IGSF3: variants seen among roughly 807,000 people sequenced by gnomAD.
The protein encoded by IGSF3 is immunoglobulin superfamily member 3.
Under a neutral mutation model 114.4 loss-of-function variants are expected in IGSF3, and 23 were observed. The ratio of observed to expected loss-of-function variants is 0.20; its 90% CI spans 0.14 to 0.28. The LOEUF is 0.28. Among genes scored for constraint, IGSF3 ranks in the 10% least tolerant of loss-of-function variants. The pLI is 1.00. For synonymous variants in IGSF3, 571 were observed against 645.2 expected, an observed-to-expected ratio of 0.88 and a Z score of 1.74; for missense variants, 1,172 against 1,591.5, an observed-to-expected ratio of 0.74 and a Z score of 4.48.
intron 2 of IGSF3, among the ~76,000 whole-genome samples, chr1:116,617,028 T>C (rs1661246757): frequency 6.6e-6 from 1 of 152,130 alleles, no homozygotes; most frequent in Non-Finnish European, 1.5e-5. Context: ...CCTCCATAAA[T>C]GGAGGCAGAG....
chr1:116,666,202 G>GA, intron 2 of IGSF3, 82 bp downstream of exon 2: 1 of 1,357,566 alleles, frequency 7.4e-7, no homozygotes, highest in Admixed American at 1.7e-5. Flanking sequence ...TAGTGTTGAT[G>GA]AAAAAGAACC....
In IGSF3 at chr1:116,666,538, T is replaced by C; in HGVS notation, c.-212A>G. ...GGCAAGTGTGAAAACTCCCCTATGCTACAGGAAGGGTCCACAACAATTCGG... is the reference window on the plus strand; with the variant it reads ...GGCAAGTGTGAAAACTCCCCTATGCCACAGGAAGGGTCCACAACAATTCGG... On this transcript the variant is annotated 5_prime_UTR_variant, in exon 2 of 11. Transcript: ENST00000369486. 1 of 614,622 alleles carries C rather than the reference T, an allele frequency of 1.6e-6. No individual in the cohort carries two copies. The highest frequency in any genetic ancestry group is 2.9e-6 in the Non-Finnish European group (1 of 346,720). 38.1% of individuals were successfully genotyped at this position (614,622 alleles called of 1,614,324 possible). A position where few individuals can be genotyped will look rare whatever the true frequency, so the allele number is the denominator to read the frequency against.
In IGSF3 at chr1:116,644,983, CA is replaced by C. The variant is rs544138348; in HGVS notation, c.43+21300del. Among the ~76,000 whole-genome samples the C allele has an allele frequency of 1.2e-4, 19 of 152,164 alleles. No individual in the cohort carries two copies. The East Asian group carries it at 3.5e-3, about 28-fold the overall frequency. On this transcript the variant is annotated intron_variant, in intron 2 of 10. Coordinates refer to ENST00000369486, the MANE Select transcript of IGSF3 (RefSeq NM_001007237.3). This position sits in a 1 kb window ranked among gnomAD's most constrained non-coding sequence, Gnocchi z 5.6. ...GTCTGGTAGTTTCTTTCAAAGTTAC[CA>C]AATGACCCAGCAATCCCACTCCTAA...
chr1:116,579,825 C>T lies in IGSF3; in HGVS notation c.2901G>A (p.Lys967=), dbSNP rs748344081. 2 of 1,613,340 alleles carry T rather than the reference C, an allele frequency of 1.2e-6. No individual in the cohort carries two copies. Among genetic ancestry groups the T allele is most frequent in the South Asian group, 2.2e-5 (2 of 91,086 alleles). ...TGCTACAGTCCAGCTGGAAAGCTGC[C>T]TTCTCAGAGACCGTGGCATTGGGGA... ...TVVPNATVSE[K]AAFQLDCSIV... Residue 967 remains lysine, a synonymous_variant, in exon 10 of 11, where the codon AAG becomes AAA. Transcript: ENST00000369486. The surrounding 1 kb of genome is among the most constrained non-coding windows in gnomAD (Gnocchi z 6.4).
chr1:116,649,474 G>A lies in IGSF3; in HGVS notation c.43+16810C>T, dbSNP rs1429529334. ...CTTTCCTCATTACCTCAAAGCCATA[G>A]TGGCAAAAGGCAAACAGCATCTTCC... On this transcript the variant is annotated intron_variant, in intron 2 of 10. Transcript: ENST00000369486. This position sits in a 1 kb window ranked among gnomAD's most constrained non-coding sequence, Gnocchi z 4.5. Among the ~76,000 whole-genome samples, 1 of 152,186 alleles carries A rather than the reference G, an allele frequency of 6.6e-6. No homozygotes were observed. Among genetic ancestry groups the A allele is most frequent in the Non-Finnish European group, 1.5e-5 (1 of 68,042 alleles).
At chr1:116,581,769 G>A (rs950210507) in intron 9 of IGSF3, among the ~76,000 whole-genome samples, 3 of 152,164 alleles carry the variant, frequency 2.0e-5, no homozygotes, top group Non-Finnish European at 4.4e-5. Context: ...ATGGCCGGGT[G>A]GGGACTATTC....
intron 9 of IGSF3, among the ~76,000 whole-genome samples, chr1:116,580,810 A>G (rs1012184184): frequency 2.0e-5 from 3 of 152,254 alleles, no homozygotes; most frequent in Non-Finnish European, 4.4e-5. Context: ...AAGTGGCCAT[A>G]TGATGATGGA....
Position 116,636,025 on chromosome 1 carries a change from T to G in IGSF3, c.44-19568A>C, listed in dbSNP as rs1394561273. 1.3e-5 allele frequency among the ~76,000 whole-genome samples: 2 copies of G among 152,148 alleles called. No individual in the cohort carries two copies. The highest frequency in any genetic ancestry group is 2.9e-5 in the Non-Finnish European group (2 of 68,010). The stretch of plus-strand genomic sequence containing the variant: ...GTTTGTGGGATGAATCAACCGGTTA[T>G]TCTCCTGAACACCCTTTCCCAGTAC... On this transcript the variant is annotated intron_variant, in intron 2 of 10. Coordinates refer to ENST00000369486, the MANE Select transcript of IGSF3 (RefSeq NM_001007237.3). The surrounding 1 kb of genome is among the most constrained non-coding windows in gnomAD (Gnocchi z 4.5).
At position 116,662,174 on chromosome 1, in the gene IGSF3, G is replaced by A. The variant is rs986160444; in HGVS notation, c.43+4110C>T. On this transcript the variant is annotated intron_variant, in intron 2 of 10. Coordinates refer to ENST00000369486, the MANE Select transcript of IGSF3 (RefSeq NM_001007237.3). This position sits in a 1 kb window ranked among gnomAD's most constrained non-coding sequence, Gnocchi z 4.3. ...CAACCTCTGCCTCCTGGGTTCAAGC[G>A]ATTCTCCTGCCTCAGCCTCCCGAGT... Among the ~76,000 whole-genome samples the A allele has an allele frequency of 1.3e-5, 2 of 151,920 alleles. No individual in the cohort carries two copies. The highest frequency in any genetic ancestry group is 6.6e-5 in the Admixed American group (1 of 15,238).
chr1:116,624,925 C>T lies in IGSF3; in HGVS notation c.44-8468G>A, dbSNP rs1477315252. Among the ~76,000 whole-genome samples the T allele has an allele frequency of 6.6e-6, 1 of 152,212 alleles. No individual in the cohort carries two copies. The highest frequency in any genetic ancestry group is 2.4e-5 in the African/African-American group (1 of 41,456). Reference sequence around the variant, plus strand: ...ATGTGAGTGAATGAGCCAATCAGCACCCAGCTCCACCTGCCACCATGTGAG... The same window carrying T: ...ATGTGAGTGAATGAGCCAATCAGCATCCAGCTCCACCTGCCACCATGTGAG... On this transcript the variant is annotated intron_variant, in intron 2 of 10. Coordinates refer to ENST00000369486, the MANE Select transcript of IGSF3 (RefSeq NM_001007237.3). This position sits in a 1 kb window ranked among gnomAD's most constrained non-coding sequence, Gnocchi z 4.9.
chr1:116,579,793 G>A lies in IGSF3; in HGVS notation c.2933C>T (p.Ser978Phe). 1 of 1,614,074 alleles carries A rather than the reference G, an allele frequency of 6.2e-7. No homozygotes were observed. The highest frequency in any genetic ancestry group is 8.5e-7 in the Non-Finnish European group (1 of 1,180,030). ...AAFQLDCSIVSRSSQDSRFAV... is the reference protein window; with the variant it reads ...AAFQLDCSIVFRSSQDSRFAV... ...GAAGCGGGAGTCCTGGCTGGAGCGG[G>A]ACACGATGCTACAGTCCAGCTGGAA... Residue 978 changes from serine to phenylalanine, a missense_variant, in exon 10 of 11, where the codon TCC (serine) becomes TTC (phenylalanine). Coordinates refer to ENST00000369486, the MANE Select transcript of IGSF3 (RefSeq NM_001007237.3). This position sits in a 1 kb window ranked among gnomAD's most constrained non-coding sequence, Gnocchi z 6.4.
At position 116,616,300 on chromosome 1, in the gene IGSF3, T is replaced by C; in HGVS notation, c.201A>G (p.Arg67=). 1 of 1,612,066 alleles carries C rather than the reference T, an allele frequency of 6.2e-7. No homozygotes were observed. Among genetic ancestry groups the C allele is most frequent in the South Asian group, 1.1e-5 (1 of 90,988 alleles). The part of the protein sequence containing the change: ...WSIYLPSSPE[R]EVQIVSTMDS... Reference sequence around the variant, plus strand: ...CCATGGTGCTGACGATCTGCACCTCTCGCTCTGGCGACGAAGGCAGGTAAA... The same window carrying C: ...CCATGGTGCTGACGATCTGCACCTCCCGCTCTGGCGACGAAGGCAGGTAAA... The change falls in exon 3 of 11, where the codon CGA becomes CGG. Residue 67 remains arginine (R), a synonymous_variant. Coordinates refer to ENST00000369486, the MANE Select transcript of IGSF3 (RefSeq NM_001007237.3). This position sits in a 1 kb window ranked among gnomAD's most constrained non-coding sequence, Gnocchi z 6.6.
At chr1:116,581,257 A>G (rs1442764831) in intron 9 of IGSF3, among the ~76,000 whole-genome samples, 2 of 147,642 alleles carry the variant, frequency 1.4e-5, no homozygotes, top group African/African-American at 5.0e-5. Flanking sequence ...AACCACAGAG[A>G]GGGACCCCAA....
At chr1:116,613,402 G>C (rs1189671342) in intron 4 of IGSF3, among the ~76,000 whole-genome samples, 1 of 152,170 alleles carries the variant, frequency 6.6e-6, no homozygotes, top group Non-Finnish European at 1.5e-5. Context: ...AAACGGGGCA[G>C]CAACTGTGCC....
Position 116,616,183 on chromosome 1 carries a change from G to A in IGSF3, c.318C>T (p.His106=), listed in dbSNP as rs776528089. Residue 106 remains histidine (H), a synonymous_variant, in exon 3 of 11, where the codon CAC becomes CAT. Transcript: ENST00000369486. This position sits in a 1 kb window ranked among gnomAD's most constrained non-coding sequence, Gnocchi z 6.6. ...CATCCCGGGCCTGAAGATCTGTGATGTGCAATAGGGTTGAGTTCCCCTGGA... is the reference window on the plus strand; with the variant it reads ...CATCCCGGGCCTGAAGATCTGTGATATGCAATAGGGTTGAGTTCCCCTGGA... ...ERVQGNSTLL[H]ITDLQARDAG... 6.2e-7 allele frequency: 1 copy of A among 1,614,000 alleles called. No individual in the cohort carries two copies. The highest frequency in any genetic ancestry group is 1.7e-5 in the Admixed American group (1 of 60,024).
At position 116,588,572 on chromosome 1, in the gene IGSF3, C is replaced by A. The variant is rs1659950642; in HGVS notation, c.2440+122G>T. 1.1e-6 allele frequency: 1 copy of A among 890,398 alleles called. No individual in the cohort carries two copies. The highest frequency in any genetic ancestry group is 1.7e-6 in the Non-Finnish European group (1 of 585,712). 55.2% of individuals were successfully genotyped at this position (890,398 alleles called of 1,614,324 possible). On this transcript the variant is annotated intron_variant, in intron 8 of 10. Transcript: ENST00000369486. This position sits in a 1 kb window ranked among gnomAD's most constrained non-coding sequence, Gnocchi z 4.9. Reference sequence around the variant, plus strand: ...AGGGTGATGGTCCGTGTACCTGCACCCATACTCAGCATGCACCTTGCAGAC... The same window carrying A: ...AGGGTGATGGTCCGTGTACCTGCACACATACTCAGCATGCACCTTGCAGAC...
At position 116,583,305 on chromosome 1, in the gene IGSF3, C is replaced by T. The variant is rs1196519771; in HGVS notation, c.2848+1340G>A. Among the ~76,000 whole-genome samples the T allele has an allele frequency of 6.6e-6, 1 of 152,054 alleles. No individual in the cohort carries two copies. Among genetic ancestry groups the T allele is most frequent in the Admixed American group, 6.5e-5 (1 of 15,278 alleles). ...CTGCCATTCTCTACAATTTCACCTT[C>T]GGGAAAAGACATGCAGCCATTTCTA... On this transcript the variant is annotated intron_variant, in intron 9 of 10. Coordinates refer to ENST00000369486, the MANE Select transcript of IGSF3 (RefSeq NM_001007237.3). The surrounding 1 kb of genome is among the most constrained non-coding windows in gnomAD (Gnocchi z 4.5).
At position 116,654,641 on chromosome 1, in the gene IGSF3, A is replaced by G. The variant is rs1648771702; in HGVS notation, c.43+11643T>C. 6.6e-6 allele frequency among the ~76,000 whole-genome samples: 1 copy of G among 152,134 alleles called. No individual in the cohort carries two copies. The highest frequency in any genetic ancestry group is 1.5e-5 in the Non-Finnish European group (1 of 68,024). ...CCTTATACTCACCACCCCCCATACG[A>G]GGCTCCTCTGGTATGGACGGTGTCT... On this transcript the variant is annotated intron_variant, in intron 2 of 10. Coordinates refer to ENST00000369486, the MANE Select transcript of IGSF3 (RefSeq NM_001007237.3). This position sits in a 1 kb window ranked among gnomAD's most constrained non-coding sequence, Gnocchi z 4.4.
chr1:116,616,582 C>A lies in IGSF3; in HGVS notation c.44-125G>T. 2 of 736,694 alleles carry A rather than the reference C, an allele frequency of 2.7e-6. No individual in the cohort carries two copies. The highest frequency in any genetic ancestry group is 5.4e-5 in the East Asian group (2 of 37,210). The allele number at this position is 736,694 out of a possible 1,614,324, so 45.6% of individuals were successfully genotyped here. A position where few individuals can be genotyped will look rare whatever the true frequency, so the allele number is the denominator to read the frequency against. ...GATAATAATATAAACAGCTTACTGG[C>A]CCTTTCAAAGGCGCTTTGTGATTTA... On this transcript the variant is annotated intron_variant, in intron 2 of 10. Coordinates refer to ENST00000369486, the MANE Select transcript of IGSF3 (RefSeq NM_001007237.3). This position sits in a 1 kb window ranked among gnomAD's most constrained non-coding sequence, Gnocchi z 6.6.
Sources: gnomAD v4.1 joint callset for allele counts (sites outside exome capture counted in the v4.1 genomes callset) on GRCh38, gnomAD v4.1.1 for gene constraint, Gnocchi (gnomAD v3.1) non-coding constraint, MANE v1.5 for transcripts, NCBI Gene and HGNC (gene_info 2026-07-23, HGNC 2026-07-21) for gene names.